ADGRL1: variants seen among roughly 807,000 people sequenced by gnomAD.
The protein encoded by ADGRL1 is CIRL-1.
In ADGRL1, 31 loss-of-function variants were observed where a neutral mutation model predicts 148.9. The observed-to-expected ratio is 0.21, with a 90% CI of 0.16 to 0.28. The LOEUF (loss-of-function observed/expected upper bound fraction) is 0.28, where lower values mean the gene tolerates loss of function less well. ADGRL1 is among the 10% of genes least tolerant of loss of function. The pLI is 1.00. For missense variants in ADGRL1, 1,521 were observed against 2,058.8 expected, an observed-to-expected ratio of 0.74 and a Z score of 5.05; for synonymous variants, 937 against 900.3, an observed-to-expected ratio of 1.04 and a Z score of -0.73.
intron 1 of ADGRL1, among the ~76,000 whole-genome samples, chr19:14,199,862 T>A (rs1474733396): frequency 6.6e-6 from 1 of 152,132 alleles, no homozygotes; most frequent in Non-Finnish European, 1.5e-5. Flanking sequence ...GACTCCTGAT[T>A]AGCTGGGACT....
intron 1 of ADGRL1, among the ~76,000 whole-genome samples, chr19:14,183,946 T>C (rs1309659630): frequency 6.6e-6 from 1 of 152,164 alleles, no homozygotes; most frequent in Non-Finnish European, 1.5e-5. Flanking sequence ...TGGAACCTCC[T>C]GGGACAGCTC....
intron 3 of ADGRL1, chr19:14,171,321 C>T (rs1970450294): frequency 6.5e-6 from 1 of 152,690 alleles, no homozygotes; most frequent in Non-Finnish European, 1.5e-5. Context: ...ACACACCAAG[C>T]CCAGAGGACT....
In ADGRL1 at chr19:14,152,458, C is replaced by T. The variant is rs1280384321; in HGVS notation, c.3521-21G>A. ...GGTACCTGGCCAAAGGATCAGAGGT[C>T]ACAAGGCAGCCGGGAGCCTCCAGAG... On this transcript the variant is annotated intron_variant, in intron 20 of 22. Transcript: ENST00000361434. This position sits in a 1 kb window ranked among gnomAD's most constrained non-coding sequence, Gnocchi z 6.1. The T allele has an allele frequency of 6.2e-7, 1 of 1,607,488 alleles. No individual in the cohort carries two copies. The highest frequency in any genetic ancestry group is 8.5e-7 in the Non-Finnish European group (1 of 1,175,038).
At chr19:14,193,291 A>AAAAC (rs1568628827) in intron 1 of ADGRL1, among the ~76,000 whole-genome samples, 25 of 151,176 alleles carry the variant, frequency 1.7e-4, no homozygotes, top group Middle Eastern at 3.4e-3. Context: ...AAAAAAAAAA[A>AAAAC]AACTCAGGCT....
intron 4 of ADGRL1, among the ~76,000 whole-genome samples, chr19:14,165,035 G>A (rs1196469400): frequency 7.9e-5 from 12 of 152,150 alleles, no homozygotes; most frequent in South Asian, 2.1e-4. Context: ...ACCTGGCACC[G>A]GCTTGGGGGG....
chr19:14,189,612 G>A (rs532390163), intron 1 of ADGRL1, among the ~76,000 whole-genome samples: 2 of 152,214 alleles, frequency 1.3e-5, no homozygotes, highest in Admixed American at 6.5e-5. Flanking sequence ...GCTTCATTCC[G>A]TTTTATGGCT....
chr19:14,189,277 G>A (rs1207493814), intron 1 of ADGRL1, among the ~76,000 whole-genome samples: 1 of 147,222 alleles, frequency 6.8e-6, no homozygotes, highest in Non-Finnish European at 1.5e-5. Context: ...CTGGAGTGCC[G>A]TGGCCCAATC....
rs143201494 is a variant in ADGRL1 at position 14,162,951 on chromosome 19, G to A, written c.850C>T (p.Arg284Trp). 6.2e-6 allele frequency: 10 copies of A among 1,613,430 alleles called. No individual in the cohort carries two copies. In the African/African-American group the frequency reaches 6.7e-5, roughly 11 times the overall value. Reference sequence around the variant, plus strand: ...GGGTTCAGCTGGCTCACCACCAGCCGCCCGTTGTTGCCCTCAGTGGCGTAG... The same window carrying A: ...GGGTTCAGCTGGCTCACCACCAGCCACCCGTTGTTGCCCTCAGTGGCGTAG... ...VIYATEGNNG[R>W]LVVSQLNPYT... Residue 284 changes from arginine to tryptophan, a missense_variant, in exon 5 of 23, where the codon CGG (arginine) becomes TGG (tryptophan). This residue lies in a region of ADGRL1 where 334 missense variants were observed against 512.5 expected (regional missense o/e 0.65). Transcript: ENST00000361434. This position sits in a 1 kb window ranked among gnomAD's most constrained non-coding sequence, Gnocchi z 5.4.
intron 1 of ADGRL1, among the ~76,000 whole-genome samples, chr19:14,204,223 CCT>C (rs1232866678): frequency 1.3e-5 from 2 of 152,186 alleles, no homozygotes; most frequent in South Asian, 2.1e-4. Context: ...TCTTATTCTC[CCT>C]GTTTTCATCC....
rs368698858 is a variant in ADGRL1 at position 14,184,646 on chromosome 19, A to ATTT, written c.-95-952_-95-950dup. ...TATTTATTTATTTATTTATTTATTT[A>ATTT]TTTTTTTTTCTGAGACGGAGTCGTG... On this transcript the variant is annotated intron_variant, in intron 1 of 22. Transcript: ENST00000361434. Among the ~76,000 whole-genome samples the ATTT allele has an allele frequency of 1.2e-3, 122 of 97,732 alleles. 6 individuals carry two copies. Among genetic ancestry groups the ATTT allele is most frequent in the South Asian group, 5.6e-3 (16 of 2,872 alleles). The allele number at this position is 97,732 out of a possible 152,430, so 64.1% of individuals were successfully genotyped here.
Position 14,173,480 on chromosome 19 carries a change from C to T in ADGRL1, c.285-2689G>A, listed in dbSNP as rs548567708. On this transcript the variant is annotated intron_variant, in intron 3 of 22. Transcript: ENST00000361434. ...ATATACAAGGTTCAGTAGCTCTCTGCAGTTTAGGCATCCACTGGGGTTCTT... is the reference window on the plus strand; with the variant it reads ...ATATACAAGGTTCAGTAGCTCTCTGTAGTTTAGGCATCCACTGGGGTTCTT... Among the ~76,000 whole-genome samples the T allele has an allele frequency of 5.3e-5, 8 of 152,270 alleles. No individual in the cohort carries two copies. In the South Asian group the frequency reaches 1.7e-3, roughly 32 times the overall value.
intron 2 of ADGRL1, among the ~76,000 whole-genome samples, chr19:14,181,004 C>T (rs1971154453): frequency 6.6e-6 from 1 of 152,072 alleles, no homozygotes. Context: ...GCCGAGATCA[C>T]ACCACTGCAC....
rs778147013 is a variant in ADGRL1 at position 14,159,801 on chromosome 19, C to T, written c.1801-28G>A. 1 of 1,606,412 alleles carries T rather than the reference C, an allele frequency of 6.2e-7. No individual in the cohort carries two copies. ...AGAAAGAGATGGAGGTGATGTCAGGCCAGGCCTCTGGGTGCCGGTTCCCTC... is the reference window on the plus strand; with the variant it reads ...AGAAAGAGATGGAGGTGATGTCAGGTCAGGCCTCTGGGTGCCGGTTCCCTC... On this transcript the variant is annotated intron_variant, in intron 8 of 22. Coordinates refer to ENST00000361434, the MANE Select transcript of ADGRL1 (RefSeq NM_014921.5). The surrounding 1 kb of genome is among the most constrained non-coding windows in gnomAD (Gnocchi z 6.0).
intron 1 of ADGRL1, among the ~76,000 whole-genome samples, chr19:14,201,453 G>A (rs1378319122): frequency 3.3e-5 from 5 of 149,374 alleles, no homozygotes; most frequent in East Asian, 3.9e-4. Context: ...ATCCTGCTTC[G>A]TCGCCCAGGC....
intron 1 of ADGRL1, among the ~76,000 whole-genome samples, chr19:14,200,898 G>C (rs2082486): frequency 1.4e-3 from 220 of 152,258 alleles, no homozygotes; most frequent in Non-Finnish European, 1.2e-3. Context: ...GATTACAGGC[G>C]TGGGCCACTT....
At chr19:14,190,799 C>T (rs1159344064) in intron 1 of ADGRL1, among the ~76,000 whole-genome samples, 2 of 152,040 alleles carry the variant, frequency 1.3e-5, no homozygotes, top group African/African-American at 4.8e-5. Flanking sequence ...TTTTAAAAGA[C>T]AATCTTGGCC....
At position 14,159,909 on chromosome 19, in the gene ADGRL1, C is replaced by A. The variant is rs922127692; in HGVS notation, c.1801-136G>T. 49 of 996,056 alleles carry A rather than the reference C, an allele frequency of 4.9e-5. No individual in the cohort carries two copies. The Admixed American group carries it at 8.9e-4, about 18-fold the overall frequency. 61.7% of individuals were successfully genotyped at this position (996,056 alleles called of 1,614,324 possible). On this transcript the variant is annotated intron_variant, in intron 8 of 22. Transcript: ENST00000361434. This position sits in a 1 kb window ranked among gnomAD's most constrained non-coding sequence, Gnocchi z 6.0. ...GCTGGGCTATCAGCAAGACATTCCT[C>A]AGGGATCCCCAACCCCCAGGACCAT...
At position 14,159,979 on chromosome 19, in the gene ADGRL1, G is replaced by C. The variant is rs73509763; in HGVS notation, c.1800+133C>G. The C allele has an allele frequency of 4.5e-3, 4,810 of 1,074,054 alleles. 129 individuals carry two copies. The African/African-American group carries it at 0.068, about 15-fold the overall frequency. 66.5% of individuals were successfully genotyped at this position (1,074,054 alleles called of 1,614,324 possible). A position where few individuals can be genotyped will look rare whatever the true frequency, so the allele number is the denominator to read the frequency against. The stretch of plus-strand genomic sequence containing the variant: ...AGACCCGGCAGTCCTTGGCGGAGAG[G>C]GGGGGGTCCTTCCTCTCTGAGGAAA... On this transcript the variant is annotated intron_variant, in intron 8 of 22. Coordinates refer to ENST00000361434, the MANE Select transcript of ADGRL1 (RefSeq NM_014921.5). This position sits in a 1 kb window ranked among gnomAD's most constrained non-coding sequence, Gnocchi z 6.0.
At position 14,205,980 on chromosome 19, in the gene ADGRL1, C is replaced by G. The variant is rs1410630520; in HGVS notation, c.-96+5G>C. The G allele has an allele frequency of 7.3e-5, 11 of 151,458 alleles. No individual in the cohort carries two copies. Among genetic ancestry groups the G allele is most frequent in the Admixed American group, 7.2e-4 (11 of 15,252 alleles). The allele number at this position is 151,458 out of a possible 1,614,324, so 9.4% of individuals were successfully genotyped here. On this transcript the variant is annotated splice_donor_5th_base_variant and intron_variant, in intron 1 of 22. Coordinates refer to ENST00000361434, the MANE Select transcript of ADGRL1 (RefSeq NM_014921.5). Reference sequence around the variant, plus strand: ...GCCCCTCGCCCTGGGCCCGCAGACACTCACCTGTCCAGCGCCTCTCTGGGG... The same window carrying G: ...GCCCCTCGCCCTGGGCCCGCAGACAGTCACCTGTCCAGCGCCTCTCTGGGG...
Sources: gnomAD v4.1 joint callset for allele counts (sites outside exome capture counted in the v4.1 genomes callset) on GRCh38, gnomAD v4.1.1 for gene constraint, gnomAD v4.1.1 regional missense constraint, Gnocchi (gnomAD v3.1) non-coding constraint, MANE v1.5 for transcripts, NCBI Gene and HGNC (gene_info 2026-07-23, HGNC 2026-07-21) for gene names.